Variants in CFAP47 observed in about 807,000 individuals in gnomAD.
CFAP47 encodes cilia and flagella associated protein 47.
CFAP47 carries 29 observed loss-of-function variants against 148.1 expected under a neutral mutation model. The ratio of observed to expected loss-of-function variants is 0.20; its 90% confidence interval spans 0.15 to 0.27. The LOEUF is 0.27. Among genes scored for constraint, CFAP47 ranks in the 10% least tolerant of loss-of-function variants. CFAP47 has a pLI of 1.00. For missense variants in CFAP47, 1,872 were observed against 1,697.5 expected (o/e 1.10, Z -1.81); for synonymous variants, 664 against 577.3 (o/e 1.15, Z -2.15).
intron 49 of CFAP47, among the ~76,000 whole-genome samples, chrX:36,252,600 TATA>T (rs1427526830): frequency 4.2e-4 from 47 of 111,638 alleles, no homozygotes; most frequent in African/African-American, 1.4e-3. Flanking sequence ...AGGTTTGAGC[TATA>T]ATGTCTCTAG....
intron 63 of CFAP47, 105 bp downstream of exon 63, chrX:36,379,623 A>G (rs1942059357): frequency 3.3e-5 from 22 of 658,301 alleles, no homozygotes; most frequent in South Asian, 1.2e-4. Context: ...AAAGAATAAC[A>G]ATTTTGCTGT....
chrX:35,920,161 T>C, intron 1 of CFAP47, 113 bp downstream of exon 1: 1 of 841,225 alleles, frequency 1.2e-6, no homozygotes, highest in Non-Finnish European at 1.6e-6. Context: ...GGAGGGAGGA[T>C]TGGGCTTCCC....
chrX:36,285,912 C>T (rs782080950), intron 51 of CFAP47, among the ~76,000 whole-genome samples, 186 bp downstream of exon 51: 2 of 111,731 alleles, frequency 1.8e-5, no homozygotes, highest in African/African-American at 6.5e-5. Flanking sequence ...TTTTGGAAAA[C>T]ATCTTTTAGT....
chrX:36,232,914 A>T (rs1390155753), intron 46 of CFAP47, among the ~76,000 whole-genome samples: 11 of 111,564 alleles, frequency 9.9e-5, no homozygotes, highest in Non-Finnish European at 1.9e-5. Context: ...TTTCCATGTA[A>T]TTGAGTGGTT....
chrX:36,385,159 A>G lies in CFAP47; in HGVS notation c.*153A>G, dbSNP rs187832476. 462 of 421,422 alleles carry G rather than the reference A, an allele frequency of 1.1e-3. 2 individuals carry two copies. Among genetic ancestry groups the G allele is most frequent in the African/African-American group, 0.011 (421 of 39,764 alleles). The allele number at this position is 421,422 out of a possible 1,213,427, so 34.7% of individuals were successfully genotyped here. A position where few individuals can be genotyped will look rare whatever the true frequency, so the allele number is the denominator to read the frequency against. The stretch of plus-strand genomic sequence containing the variant: ...ATTCAATCTGTTCTCTGAATATATT[A>G]TACTTCATTTGTGAGTTATGAATGT... On this transcript the variant is annotated 3_prime_UTR_variant, in exon 64 of 64. Coordinates refer to ENST00000378653, the MANE Select transcript of CFAP47 (RefSeq NM_001304548.2).
At chrX:36,099,600 CCTGTGGTGATAT>C (rs1192242917) in intron 31 of CFAP47, 139 bp from the exon 32 acceptor site, 28 of 326,595 alleles carry the variant, frequency 8.6e-5, no homozygotes, top group African/African-American at 7.8e-4. Context: ...CATAAAGTTA[CCTGTGGTGATAT>C]CTTCTATTAT....
chrX:36,365,878 C>G (rs1556020184), intron 61 of CFAP47: 2 of 111,418 alleles, frequency 1.8e-5, no homozygotes, highest in Non-Finnish European at 3.8e-5. Flanking sequence ...TTTTCTTTAT[C>G]CAGTCTTCCT....
At chrX:36,037,244 A>G (rs1391909529) in intron 24 of CFAP47, among the ~76,000 whole-genome samples, 2 of 111,978 alleles carry the variant, frequency 1.8e-5, no homozygotes, top group South Asian at 3.7e-4. Context: ...CTAGAAGGAA[A>G]TAAAAAACAT....
At chrX:36,325,999 A>G (rs1198023381) in intron 57 of CFAP47, among the ~76,000 whole-genome samples, 1 of 111,405 alleles carries the variant, frequency 9.0e-6, no homozygotes, top group Non-Finnish European at 1.9e-5. Context: ...CATTATGTAT[A>G]CCAAATTTTC....
In CFAP47 at chrX:35,970,854, A is replaced by G; in HGVS notation, c.1901A>G (p.His634Arg). 6.7e-6 allele frequency: 8 copies of G among 1,187,967 alleles called. No homozygotes were observed. The highest frequency in any genetic ancestry group is 9.1e-6 in the Non-Finnish European group (8 of 878,809). ...TTTGAAAAACAGCAAAAGAAATTAC[A>G]TGAAAACTATTATGCAATGTATCTT... Reference protein sequence around the residue: ...TTFEKQQKKLHENYYAMYLKY... With the variant: ...TTFEKQQKKLRENYYAMYLKY... Residue 634 changes from histidine to arginine, a missense_variant, in exon 11 of 64, where the codon CAT (histidine) becomes CGT (arginine). Coordinates refer to ENST00000378653, the MANE Select transcript of CFAP47 (RefSeq NM_001304548.2).
Position 36,039,084 on chromosome X carries a change from G to A in CFAP47, c.3912G>A (p.Glu1304=). The change falls in exon 25 of 64, where the codon GAG becomes GAA. Residue 1304 remains glutamate (E), a synonymous_variant. Coordinates refer to ENST00000378653, the MANE Select transcript of CFAP47 (RefSeq NM_001304548.2). ...TTACTGGGGAAGTAAAATCACCAGA[G>A]TTATTGTTTGACCCTCCATTTATAT... ...LHLTGEVKSP[E]LLFDPPFIFF... is the part of the protein sequence containing the mutation. 1 of 1,104,050 alleles carries A rather than the reference G, an allele frequency of 9.1e-7. No individual in the cohort carries two copies. Among genetic ancestry groups the A allele is most frequent in the Non-Finnish European group, 1.2e-6 (1 of 818,006 alleles). 91.0% of individuals were successfully genotyped at this position (1,104,050 alleles called of 1,213,427 possible). A position where few individuals can be genotyped will look rare whatever the true frequency, so the allele number is the denominator to read the frequency against.
At chrX:36,353,211 T>C (rs1443121659) in intron 59 of CFAP47, among the ~76,000 whole-genome samples, 2 of 110,828 alleles carry the variant, frequency 1.8e-5, no homozygotes, top group African/African-American at 6.5e-5. Context: ...CCTTGAGTTA[T>C]GGATCTAACT....
intron 57 of CFAP47, among the ~76,000 whole-genome samples, chrX:36,321,714 G>A (rs1387727926): frequency 9.0e-6 from 1 of 111,602 alleles, no homozygotes; most frequent in East Asian, 2.8e-4. Flanking sequence ...TATGGTTAAT[G>A]TATGAATAAA....
At chrX:36,067,941 G>T (rs1278436432) in intron 27 of CFAP47, among the ~76,000 whole-genome samples, 1 of 111,069 alleles carries the variant, frequency 9.0e-6, no homozygotes, top group Admixed American at 9.6e-5. Flanking sequence ...GTGAGCCACC[G>T]CGCCTGGCCG....
At chrX:36,117,406 G>A (rs1456415659) in intron 33 of CFAP47, among the ~76,000 whole-genome samples, 5 of 111,489 alleles carry the variant, frequency 4.5e-5, no homozygotes, top group Admixed American at 9.5e-5. Flanking sequence ...CCACATCCTC[G>A]CCAACATTTG....
intron 30 of CFAP47, among the ~76,000 whole-genome samples, chrX:36,090,630 A>G (rs1247767566): frequency 8.9e-6 from 1 of 111,989 alleles, no homozygotes; most frequent in Non-Finnish European, 1.9e-5. Flanking sequence ...TGACTGTGAT[A>G]AAATGACTTA....
At chrX:36,175,864 C>G (rs1425701150) in intron 39 of CFAP47, among the ~76,000 whole-genome samples, 3 of 113,560 alleles carry the variant, frequency 2.6e-5, no homozygotes, top group Non-Finnish European at 3.7e-5. Flanking sequence ...TTTACCTAAG[C>G]AAGCCTGGGC....
At chrX:36,005,939 A>G (rs1936977496) in intron 21 of CFAP47, among the ~76,000 whole-genome samples, 1 of 111,038 alleles carries the variant, frequency 9.0e-6, no homozygotes, top group African/African-American at 3.3e-5. Flanking sequence ...CACAATTTCA[A>G]CAAGAAAAAA....
chrX:36,034,302 T>C (rs2146721632), intron 23 of CFAP47, among the ~76,000 whole-genome samples: 1 of 111,451 alleles, frequency 9.0e-6, no homozygotes, highest in Admixed American at 9.6e-5. Context: ...TGAAATAATT[T>C]TTTTATCACA....
Sources: gnomAD v4.1 joint callset for allele counts (sites outside exome capture counted in the v4.1 genomes callset) on GRCh38, gnomAD v4.1.1 for gene constraint, MANE v1.5 for transcripts, NCBI Gene and HGNC (gene_info 2026-07-23, HGNC 2026-07-21) for gene names.